Variants in ZNF544 observed in about 807,000 individuals in gnomAD.
ZNF544 encodes zinc finger protein 544.
In ZNF544, 10 loss-of-function variants were observed where a neutral mutation model predicts 13.5. The ratio of observed to expected loss-of-function variants is 0.74; its 90% CI spans 0.46 to 1.25. The LOEUF (loss-of-function observed/expected upper bound fraction) is 1.25, where lower values mean the gene tolerates loss of function less well. Among genes scored for constraint, ZNF544 ranks in the 50% most tolerant of loss-of-function variants. The pLI, the probability that ZNF544 is intolerant of heterozygous loss-of-function variation, is 0.00. For synonymous variants in ZNF544, 323 were observed against 300.5 expected (o/e 1.07, Z -0.77); for missense variants, 896 against 845.6 (o/e 1.06, Z -0.74).
intron 6 of ZNF544, among the ~76,000 whole-genome samples, chr19:58,254,864 CTTTT>C (rs557178874): frequency 2.2e-5 from 3 of 139,020 alleles, no homozygotes; most frequent in Non-Finnish European, 3.1e-5. Context: ...TTCTTTCTTT[CTTTT>C]TTTTTTTTTT....
intron 3 of ZNF544, chr19:58,242,126 A>C: frequency 6.7e-5 from 38 of 570,082 alleles, no homozygotes; most frequent in Non-Finnish European, 8.4e-5. Context: ...AGTTCTCAGA[A>C]GAGATTGCCT....
chr19:58,246,955 A>G, intron 6 of ZNF544, 161 bp downstream of exon 6: 1 of 590,490 alleles, frequency 1.7e-6, no homozygotes, highest in Middle Eastern at 4.7e-4. Context: ...ACCAATTCGA[A>G]GTATGCAGTT....
intron 3 of ZNF544, among the ~76,000 whole-genome samples, chr19:58,237,466 G>A (rs573455323): frequency 2.6e-4 from 39 of 152,294 alleles, no homozygotes; most frequent in Middle Eastern, 3.4e-3. Context: ...CAGCCTCTGC[G>A]AGTGCTGTGG....
rs946268045 is a variant in ZNF544 at position 58,263,484 on chromosome 19, T to C, written c.*730T>C. Reference sequence around the variant, plus strand: ...ATAAATAATAACCAAGATGGGAAATTTCCCTGCCAGACCTTGTTTACTAGA... The same window carrying C: ...ATAAATAATAACCAAGATGGGAAATCTCCCTGCCAGACCTTGTTTACTAGA... On this transcript the variant is annotated 3_prime_UTR_variant, in exon 7 of 7. Coordinates refer to ENST00000687789, the MANE Select transcript of ZNF544 (RefSeq NM_014480.4). 2.0e-6 allele frequency: 2 copies of C among 985,316 alleles called. No individual in the cohort carries two copies. Among genetic ancestry groups the C allele is most frequent in the Non-Finnish European group, 2.4e-6 (2 of 829,930 alleles). 61.0% of individuals were successfully genotyped at this position (985,316 alleles called of 1,614,324 possible).
intron 6 of ZNF544, chr19:58,258,488 G>A (rs1054594400): frequency 2.0e-5 from 2 of 101,132 alleles, no homozygotes; most frequent in Admixed American, 1.1e-4. Flanking sequence ...TGCTGGGTGC[G>A]AGGGCACCAG....
Position 58,233,481 on chromosome 19 carries a change from T to C in ZNF544, c.-60+3019T>C, listed in dbSNP as rs2041782051. Among the ~76,000 whole-genome samples, 7 of 152,172 alleles carry C rather than the reference T, an allele frequency of 4.6e-5. 2 individuals carry two copies. The South Asian group carries it at 1.4e-3, about 32-fold the overall frequency. Reference sequence around the variant, plus strand: ...TAAAGGAAATATGAGAAGGACTATATGAGAAACTTCAACACATGTCTTAGA... The same window carrying C: ...TAAAGGAAATATGAGAAGGACTATACGAGAAACTTCAACACATGTCTTAGA... On this transcript the variant is annotated intron_variant, in intron 3 of 6. Coordinates refer to ENST00000687789, the MANE Select transcript of ZNF544 (RefSeq NM_014480.4).
intron 6 of ZNF544, among the ~76,000 whole-genome samples, chr19:58,248,005 C>G (rs1166746630): frequency 1.3e-5 from 2 of 152,036 alleles, no homozygotes; most frequent in Non-Finnish European, 2.9e-5. Context: ...CCTCCGCCCC[C>G]CAGGTTCAAG....
intron 6 of ZNF544, 83 bp downstream of exon 6, chr19:58,246,877 A>T: frequency 7.2e-7 from 1 of 1,389,012 alleles, no homozygotes; most frequent in Non-Finnish European, 1.0e-6. Flanking sequence ...GGGGCCAAGG[A>T]GGGAGCCTTG....
chr19:58,256,816 A>G (rs1408415751), intron 6 of ZNF544, among the ~76,000 whole-genome samples: 3 of 152,192 alleles, frequency 2.0e-5, no homozygotes, highest in Admixed American at 6.5e-5. Flanking sequence ...TAAGGGGTCA[A>G]TTGGAGTTTG....
At chr19:58,266,150 G>C (rs2049844501), downstream of ZNF544, among the ~76,000 whole-genome samples, 1 of 144,944 alleles carries the variant, frequency 6.9e-6, no homozygotes, top group South Asian at 2.2e-4. Context: ...AGGTTGCAGT[G>C]AGCCGAGACT....
intron 6 of ZNF544, 47 bp downstream of exon 6, chr19:58,246,841 G>T (rs764803736): frequency 8.2e-6 from 13 of 1,585,674 alleles, no homozygotes; most frequent in Middle Eastern, 1.7e-4. Context: ...AACAAGCTTG[G>T]ACAGAGAGCT....
At chr19:58,234,922 C>G (rs2042073800) in intron 3 of ZNF544, among the ~76,000 whole-genome samples, 1 of 152,182 alleles carries the variant, frequency 6.6e-6, no homozygotes, top group Non-Finnish European at 1.5e-5. Flanking sequence ...ATTATAATCA[C>G]ATTTTTCTAG....
chr19:58,273,700 A>G (rs1204485133), intron 5 of ZNF544, among the ~76,000 whole-genome samples: 1 of 151,850 alleles, frequency 6.6e-6, no homozygotes, highest in Non-Finnish European at 1.5e-5. Flanking sequence ...AAAAAAAAAA[A>G]AAAAAGCCTA....
chr19:58,230,961 A>T lies in ZNF544; in HGVS notation c.-60+499A>T, dbSNP rs559695993. 4.5e-4 allele frequency among the ~76,000 whole-genome samples: 68 copies of T among 152,216 alleles called. 1 individual carries two copies. The highest frequency in any genetic ancestry group is 1.6e-3 in the African/African-American group (65 of 41,528). The stretch of plus-strand genomic sequence containing the variant: ...AGGCCGATTTGTCTGCACAGAGAGG[A>T]CAGTGGTGGGAGGGGACTGAAGTAG... On this transcript the variant is annotated intron_variant, in intron 3 of 6. Coordinates refer to ENST00000687789, the MANE Select transcript of ZNF544 (RefSeq NM_014480.4).
At chr19:58,269,911 ACT>A (rs1188340837) in intron 5 of ZNF544, among the ~76,000 whole-genome samples, 2 of 152,096 alleles carry the variant, frequency 1.3e-5, no homozygotes, top group African/African-American at 2.4e-5. Context: ...ACAGAATGAG[ACT>A]CTGTCTCAAA....
intron 6 of ZNF544, among the ~76,000 whole-genome samples, chr19:58,255,133 C>T (rs564576471): frequency 7.9e-4 from 120 of 151,580 alleles, no homozygotes; most frequent in African/African-American, 2.8e-3. Context: ...CGTGATCTAC[C>T]CGCCTCAGCC....
intron 2 of ZNF544, 177 bp downstream of exon 2, chr19:58,229,747 C>T (rs1205455395): frequency 6.6e-6 from 1 of 152,366 alleles, no homozygotes; most frequent in Non-Finnish European, 1.5e-5. Context: ...GTGTATGTAA[C>T]GCCTGTAAGT....
At chr19:58,269,225 A>G (rs1426929385) in intron 5 of ZNF544, among the ~76,000 whole-genome samples, 1 of 151,976 alleles carries the variant, frequency 6.6e-6, no homozygotes, top group Non-Finnish European at 1.5e-5. Context: ...ACCTGAAGTC[A>G]AGAGTTTGAG....
chr19:58,276,514 C>T, intron 6 of ZNF544: 2 of 881,120 alleles, frequency 2.3e-6, no homozygotes, highest in Non-Finnish European at 3.0e-6. Flanking sequence ...GTCGCCCAGG[C>T]TGGAGTGCAG....
Sources: allele counts gnomAD v4.1 joint callset (sites outside exome capture counted in the v4.1 genomes callset), GRCh38; gene constraint gnomAD v4.1.1; transcripts MANE v1.5; gene names NCBI Gene and HGNC (gene_info 2026-07-23, HGNC 2026-07-21).